The following TMEM232 variants were observed in gnomAD, a reference collection of about 807,000 sequenced individuals.
TMEM232 encodes transmembrane protein 232.
In TMEM232, 80 loss-of-function variants were observed where a neutral mutation model predicts 78.8. The observed-to-expected ratio is 1.01, with a 90% confidence interval of 0.85 to 1.22. TMEM232 has a LOEUF of 1.22. Among genes scored for constraint, TMEM232 ranks in the 50% most tolerant of loss-of-function variants. The probability of loss-of-function intolerance (pLI) is 0.00; values close to 1 mark genes in which losing one functional copy is unlikely to be tolerated. For missense variants in TMEM232, 881 were observed against 742.2 expected (o/e 1.19, Z -2.17); for synonymous variants, 297 against 254.3 (o/e 1.17, Z -1.60).
At chr5:110,628,522 C>T (rs1294515930) in intron 5 of TMEM232, among the ~76,000 whole-genome samples, 2 of 151,926 alleles carry the variant, frequency 1.3e-5, no homozygotes, top group East Asian at 1.9e-4. Flanking sequence ...ACACAGACTA[C>T]ATAAAATGGA....
chr5:110,532,468 G>T (rs983901865), intron 11 of TMEM232, among the ~76,000 whole-genome samples: 6 of 151,776 alleles, frequency 4.0e-5, no homozygotes, highest in African/African-American at 1.5e-4. Context: ...TGTTTCCCTT[G>T]CCTCCATAAC....
chr5:110,524,429 AGAAAAGAAAAGAAAG>A (rs1770235939), intron 12 of TMEM232, among the ~76,000 whole-genome samples: 1 of 141,934 alleles, frequency 7.0e-6, no homozygotes, highest in Non-Finnish European at 1.5e-5. Context: ...AGAAAAGAAA[AGAAAAGAAAAGAAAG>A]GAAAGAAAGA....
intron 10 of TMEM232, among the ~76,000 whole-genome samples, chr5:110,586,146 A>G (rs1187424567): frequency 6.6e-6 from 1 of 152,162 alleles, no homozygotes; most frequent in East Asian, 1.9e-4. Flanking sequence ...AGGCATGTCA[A>G]TAGTAACAAG....
intron 12 of TMEM232, among the ~76,000 whole-genome samples, chr5:110,442,836 T>C (rs1277368483): frequency 6.6e-6 from 1 of 152,176 alleles, no homozygotes; most frequent in Non-Finnish European, 1.5e-5. Flanking sequence ...TTTCTAGACC[T>C]GTAAAAGCAC....
rs114381036 is a variant in TMEM232, at chr5:110,477,987, G to A, written c.1703+50601C>T. Among the ~76,000 whole-genome samples the A allele has an allele frequency of 1.8e-3, 268 of 152,008 alleles. 2 individuals carry two copies. The highest frequency in any genetic ancestry group is 6.1e-3 in the African/African-American group (254 of 41,550). On this transcript the variant is annotated intron_variant, in intron 12 of 13. Transcript: ENST00000455884. ...TTTATATTTATGTTCAGTTTAGAAT[G>A]AGAGGATTAGAATAGGTGTTATTAT...
chr5:110,606,258 A>G lies in TMEM232; in HGVS notation c.932T>C (p.Leu311Pro). 2 of 1,543,996 alleles carry G rather than the reference A, an allele frequency of 1.3e-6. No homozygotes were observed. The highest frequency in any genetic ancestry group is 4.9e-5 in the East Asian group (2 of 40,814). ...CATGTTTAATTTGGCAGCCTCCCCA[A>G]GGACCAGTAAAGCCAGTACTGAATC... ...WLDSVLALLV[L>P]GEAAKLNMAC... The change falls in exon 9 of 14, where the codon CTT becomes CCT. Residue 311 changes from leucine (L) to proline (P), a missense_variant. Coordinates refer to ENST00000455884, the MANE Select transcript of TMEM232 (RefSeq NM_001039763.4).
chr5:110,619,506 A>T (rs1561397699), intron 7 of TMEM232, among the ~76,000 whole-genome samples: 1 of 152,190 alleles, frequency 6.6e-6, no homozygotes, highest in Non-Finnish European at 1.5e-5. Context: ...GGAAGACAAC[A>T]TCTGTACAAA....
At chr5:110,493,127 C>A (rs1467227765) in intron 12 of TMEM232, among the ~76,000 whole-genome samples, 1 of 151,532 alleles carries the variant, frequency 6.6e-6, no homozygotes, top group Non-Finnish European at 1.5e-5. Flanking sequence ...AGAATTAAAT[C>A]CCCCCAGCAT....
At chr5:110,582,191 A>G (rs1335299989) in intron 10 of TMEM232, among the ~76,000 whole-genome samples, 2 of 151,952 alleles carry the variant, frequency 1.3e-5, no homozygotes, top group Non-Finnish European at 2.9e-5. Context: ...TTATTCTACC[A>G]AAAAGACAAC....
intron 5 of TMEM232, among the ~76,000 whole-genome samples, chr5:110,633,492 G>A (rs1028941360): frequency 3.9e-5 from 6 of 152,114 alleles, no homozygotes; most frequent in African/African-American, 9.7e-5. Flanking sequence ...ATGTGTCAAG[G>A]AAGGGCCACG....
intron 1 of TMEM232, among the ~76,000 whole-genome samples, chr5:110,673,275 G>C (rs1241031534): frequency 1.3e-5 from 2 of 151,140 alleles, no homozygotes; most frequent in Non-Finnish European, 2.9e-5. Context: ...GACACAGGAA[G>C]GGGAACATCA....
At chr5:110,604,971 C>T (rs1214690286) in intron 10 of TMEM232, 138 bp downstream of exon 10, 3 of 1,010,920 alleles carry the variant, frequency 3.0e-6, no homozygotes, top group Non-Finnish European at 4.2e-6. Context: ...ATAAATCATG[C>T]TATATTCTTC....
At chr5:110,627,671 T>C in intron 6 of TMEM232, 110 bp downstream of exon 6, 4 of 783,066 alleles carry the variant, frequency 5.1e-6, no homozygotes, top group Non-Finnish European at 7.7e-6. Context: ...ACTGCACCTA[T>C]TATCTTTTAT....
At chr5:110,593,582 T>G (rs772592895) in intron 10 of TMEM232, among the ~76,000 whole-genome samples, 3 of 152,126 alleles carry the variant, frequency 2.0e-5, no homozygotes, top group Non-Finnish European at 4.4e-5. Flanking sequence ...TAGGACAACC[T>G]GCATATTCTT....
At chr5:110,405,356 AC>A (rs1755747839) in intron 2 of TMEM232, among the ~76,000 whole-genome samples, 1 of 152,100 alleles carries the variant, frequency 6.6e-6, no homozygotes, top group Non-Finnish European at 1.5e-5. Context: ...ATTATTTTAT[AC>A]ACCATATTCA....
At chr5:110,449,048 G>C (rs1282897215) in intron 12 of TMEM232, among the ~76,000 whole-genome samples, 2 of 151,834 alleles carry the variant, frequency 1.3e-5, no homozygotes, top group African/African-American at 2.4e-5. Context: ...TGAGACTGTT[G>C]AAACAAAATG....
intron 12 of TMEM232, among the ~76,000 whole-genome samples, chr5:110,494,974 T>C (rs1183171581): frequency 2.0e-5 from 3 of 151,604 alleles, no homozygotes; most frequent in Non-Finnish European, 4.4e-5. Flanking sequence ...ATAAACAAAT[T>C]TGGGATAATG....
chr5:110,583,152 A>G (rs537104045), intron 10 of TMEM232, among the ~76,000 whole-genome samples: 27 of 152,062 alleles, frequency 1.8e-4, no homozygotes, highest in African/African-American at 6.5e-4. Context: ...AGAAAAAGAA[A>G]CTCAAACATT....
chr5:110,389,383 T>C (rs965060261), intron 4 of TMEM232, among the ~76,000 whole-genome samples: 1 of 150,846 alleles, frequency 6.6e-6, no homozygotes, highest in Non-Finnish European at 1.5e-5. Flanking sequence ...TATGAACAGA[T>C]AGATTGGGGT....
Sources: gnomAD v4.1 joint callset for allele counts (sites outside exome capture counted in the v4.1 genomes callset) on GRCh38, gnomAD v4.1.1 for gene constraint, MANE v1.5 for transcripts, NCBI Gene and HGNC (gene_info 2026-07-23, HGNC 2026-07-21) for gene names.